The following CSMD1 variants were observed in gnomAD, a reference collection of about 807,000 sequenced individuals.
CSMD1 encodes CUB and sushi domain-containing protein 1.
Under a neutral mutation model 417.5 loss-of-function variants are expected in CSMD1, and 213 were observed. The observed-to-expected ratio is 0.51, with a 90% CI of 0.46 to 0.57. The LOEUF (loss-of-function observed/expected upper bound fraction) is 0.57, where lower values mean the gene tolerates loss of function less well. Ranked by LOEUF, CSMD1 falls within the 20% of genes least tolerant of loss-of-function variation. The pLI, the probability that CSMD1 is intolerant of heterozygous loss-of-function variation, is 0.00. For synonymous variants in CSMD1, 2,862 were observed against 1,736.8 expected, an observed-to-expected ratio of 1.65 and a Z score of -16.11; for missense variants, 6,923 against 4,529.7, an observed-to-expected ratio of 1.53 and a Z score of -15.17.
chr8:3,443,565 T>C (rs1815124038), intron 12 of CSMD1, among the ~76,000 whole-genome samples: 1 of 152,140 alleles, frequency 6.6e-6, no homozygotes, highest in Non-Finnish European at 1.5e-5. Flanking sequence ...AGGGGGAAAG[T>C]GAAACAGTTT....
At chr8:4,354,884 G>GTGTC (rs987891995) in intron 3 of CSMD1, among the ~76,000 whole-genome samples, 2 of 149,374 alleles carry the variant, frequency 1.3e-5, no homozygotes, top group Non-Finnish European at 3.0e-5. Flanking sequence ...GTGTGTGTGT[G>GTGTC]TGTGTGTGTG....
intron 1 of CSMD1, among the ~76,000 whole-genome samples, chr8:4,759,556 C>A (rs535479385): frequency 1.4e-5 from 2 of 147,310 alleles, no homozygotes; most frequent in Non-Finnish European, 3.0e-5. Flanking sequence ...CTAATGCTCT[C>A]CCTTTCCCCG....
chr8:3,650,613 T>A (rs1368599701), intron 7 of CSMD1, among the ~76,000 whole-genome samples: 1 of 152,168 alleles, frequency 6.6e-6, no homozygotes, highest in African/African-American at 2.4e-5. Context: ...GCCATGAATG[T>A]ACTGAGCTCC....
At chr8:3,019,972 G>C (rs1300280051) in intron 51 of CSMD1, among the ~76,000 whole-genome samples, 2 of 152,382 alleles carry the variant, frequency 1.3e-5, no homozygotes, top group Middle Eastern at 3.4e-3. Context: ...GCACTGATGT[G>C]CAGGGTGCTT....
intron 1 of CSMD1, chr8:4,787,935 A>G: frequency 1.3e-6 from 2 of 1,593,538 alleles, no homozygotes; most frequent in South Asian, 2.3e-5. Flanking sequence ...TGCTGATGTA[A>G]TTGACAATGA....
At chr8:4,623,582 A>T (rs983161106) in intron 2 of CSMD1, among the ~76,000 whole-genome samples, 11 of 152,232 alleles carry the variant, frequency 7.2e-5, no homozygotes, top group Admixed American at 7.2e-4. Context: ...TGAGGGGGGA[A>T]CAAATGTCTA....
intron 7 of CSMD1, among the ~76,000 whole-genome samples, chr8:3,704,129 A>G (rs1006564455): frequency 2.6e-5 from 4 of 152,188 alleles, no homozygotes; most frequent in African/African-American, 9.7e-5. Context: ...GCAGTCCTCC[A>G]TCACTGTGGC....
At chr8:3,945,733 G>A (rs750876172) in intron 5 of CSMD1, among the ~76,000 whole-genome samples, 1 of 152,068 alleles carries the variant, frequency 6.6e-6, no homozygotes, top group Non-Finnish European at 1.5e-5. Flanking sequence ...TAGGTTACTA[G>A]GGGATAGAAA....
At chr8:4,359,932 A>G (rs891413459) in intron 3 of CSMD1, among the ~76,000 whole-genome samples, 1 of 152,192 alleles carries the variant, frequency 6.6e-6, no homozygotes, top group Non-Finnish European at 1.5e-5. Context: ...GTTCAGTGAA[A>G]GAATGCTTCC....
At chr8:3,729,059 G>A (rs536115793) in intron 6 of CSMD1, among the ~76,000 whole-genome samples, 2 of 152,298 alleles carry the variant, frequency 1.3e-5, no homozygotes, top group Admixed American at 6.5e-5. Context: ...AAGTCTGGCC[G>A]TAATTCTCCA....
intron 7 of CSMD1, among the ~76,000 whole-genome samples, chr8:3,649,332 G>C (rs563044270): frequency 6.6e-6 from 1 of 152,274 alleles, no homozygotes; most frequent in African/African-American, 2.4e-5. Context: ...GCATTAAATT[G>C]ACTGTTAGAA....
At chr8:3,346,691 G>T (rs1244228529) in intron 22 of CSMD1, among the ~76,000 whole-genome samples, 1 of 152,142 alleles carries the variant, frequency 6.6e-6, no homozygotes, top group Non-Finnish European at 1.5e-5. Flanking sequence ...GCCCGGCGGG[G>T]GCTCCATTCC....
intron 1 of CSMD1, among the ~76,000 whole-genome samples, chr8:4,750,845 G>A (rs1195122764): frequency 1.3e-5 from 2 of 152,108 alleles, no homozygotes; most frequent in Non-Finnish European, 2.9e-5. Flanking sequence ...GATAGCTGAT[G>A]AGATATTGGG....
intron 2 of CSMD1, among the ~76,000 whole-genome samples, chr8:4,632,697 C>G (rs1480608501): frequency 6.6e-6 from 1 of 152,140 alleles, no homozygotes; most frequent in Non-Finnish European, 1.5e-5. Context: ...GGAGTACAGG[C>G]TTCCAATTGC....
At position 3,392,714 on chromosome 8, in the gene CSMD1, G is replaced by C. The variant is rs533436375; in HGVS notation, c.2593+3480C>G. 6.6e-5 allele frequency among the ~76,000 whole-genome samples: 10 copies of C among 152,184 alleles called. 1 individual carries two copies. In the South Asian group the frequency reaches 2.1e-3, roughly 32 times the overall value. On this transcript the variant is annotated intron_variant, in intron 17 of 69. Coordinates refer to ENST00000635120, the MANE Select transcript of CSMD1 (RefSeq NM_033225.6). ...ATCACAATATTTGGAATCTGGGCTT[G>C]GGGCTGTACAATTTACTAAGCTCCC...
intron 12 of CSMD1, among the ~76,000 whole-genome samples, chr8:3,456,596 G>A (rs1039066090): frequency 2.4e-4 from 36 of 152,104 alleles, no homozygotes; most frequent in South Asian, 8.3e-4. Flanking sequence ...ACCTAGTTGC[G>A]TTCTCTCCTA....
intron 15 of CSMD1, among the ~76,000 whole-genome samples, chr8:3,403,975 C>T (rs1034122377): frequency 6.6e-6 from 1 of 152,144 alleles, no homozygotes; most frequent in Non-Finnish European, 1.5e-5. Context: ...CAATATTTCA[C>T]CCATGGGTGG....
At chr8:3,092,295 TTAACA>T (rs1353347744) in intron 47 of CSMD1, among the ~76,000 whole-genome samples, 9 of 152,166 alleles carry the variant, frequency 5.9e-5, no homozygotes, top group South Asian at 2.1e-4. Context: ...TAGGTAATTC[TTAACA>T]TAACAGATTA....
chr8:3,792,461 A>C (rs1318140395), intron 5 of CSMD1, among the ~76,000 whole-genome samples: 5 of 152,136 alleles, frequency 3.3e-5, no homozygotes. Flanking sequence ...GAGGACGGAG[A>C]GCTTACTTTT....
Sources: allele counts gnomAD v4.1 joint callset (sites outside exome capture counted in the v4.1 genomes callset), GRCh38; gene constraint gnomAD v4.1.1; transcripts MANE v1.5; gene names NCBI Gene and HGNC (gene_info 2026-07-23, HGNC 2026-07-21).